The following SH3RF1 variants were observed in gnomAD, a reference collection of about 807,000 sequenced individuals.
SH3RF1 encodes E3 ubiquitin-protein ligase SH3RF1.
Under a neutral mutation model 74.0 loss-of-function variants are expected in SH3RF1, and 32 were observed. That is an observed-to-expected ratio of 0.43 (90% CI 0.33 to 0.58). The LOEUF (loss-of-function observed/expected upper bound fraction) is 0.58, where lower values mean the gene tolerates loss of function less well. Among genes scored for constraint, SH3RF1 ranks in the 20% least tolerant of loss-of-function variants. The pLI is 0.05. For missense variants in SH3RF1, 954 were observed against 1,130.9 expected (o/e 0.84, Z 2.24); for synonymous variants, 396 against 439.6 (o/e 0.90, Z 1.24).
chr4:169,128,177 A>G lies in SH3RF1; in HGVS notation c.1179+1869T>C, dbSNP rs1424432403. 2.0e-5 allele frequency among the ~76,000 whole-genome samples: 3 copies of G among 152,222 alleles called. No individual in the cohort carries two copies. The East Asian group carries it at 5.8e-4, about 29-fold the overall frequency. On this transcript the variant is annotated intron_variant, in intron 6 of 11. Coordinates refer to ENST00000284637, the MANE Select transcript of SH3RF1 (RefSeq NM_020870.4). ...AAGGCACTCATCTGGAAATGAAAAT[A>G]TCAACTCATTGTGTATGTGTACTGT...
At chr4:169,199,539 C>T (rs1734874718) in intron 2 of SH3RF1, among the ~76,000 whole-genome samples, 1 of 152,022 alleles carries the variant, frequency 6.6e-6, no homozygotes, top group Admixed American at 6.6e-5. Flanking sequence ...CTTCTGTTCA[C>T]ATCCCACTGG....
At chr4:169,155,678 T>C (rs1341802606) in intron 3 of SH3RF1, 103 bp from the exon 4 acceptor site, 2 of 824,856 alleles carry the variant, frequency 2.4e-6, no homozygotes, top group African/African-American at 3.4e-5. Context: ...TTTTAAAGAG[T>C]ACATGAATAA....
At chr4:169,211,561 A>C (rs1345512025) in intron 2 of SH3RF1, among the ~76,000 whole-genome samples, 2 of 152,144 alleles carry the variant, frequency 1.3e-5, no homozygotes, top group Non-Finnish European at 2.9e-5. Flanking sequence ...ACTGAGAATA[A>C]GCAGGTTATC....
intron 2 of SH3RF1, among the ~76,000 whole-genome samples, chr4:169,163,882 C>A (rs545300709): frequency 3.9e-5 from 6 of 152,302 alleles, no homozygotes; most frequent in Non-Finnish European, 8.8e-5. Context: ...ATTTTTATGT[C>A]TGTCTAGGAT....
At chr4:169,259,334 G>A (rs749371517) in intron 2 of SH3RF1, among the ~76,000 whole-genome samples, 24 of 151,964 alleles carry the variant, frequency 1.6e-4, no homozygotes, top group South Asian at 4.2e-4. Context: ...GTTTCACAAC[G>A]CAAATAATCT....
intron 2 of SH3RF1, among the ~76,000 whole-genome samples, chr4:169,192,373 CAT>C (rs1038619497): frequency 3.7e-4 from 56 of 150,510 alleles, no homozygotes; most frequent in African/African-American, 1.3e-3. Context: ...GGCCAACAAA[CAT>C]ATGAAAAAAA....
chr4:169,234,738 G>A (rs1730799242), intron 2 of SH3RF1, among the ~76,000 whole-genome samples: 1 of 152,036 alleles, frequency 6.6e-6, no homozygotes, highest in Non-Finnish European at 1.5e-5. Context: ...TGTACTCTAA[G>A]GGATCTTTTC....
intron 4 of SH3RF1, among the ~76,000 whole-genome samples, chr4:169,154,915 A>C (rs1266099560): frequency 6.6e-6 from 1 of 152,178 alleles, no homozygotes; most frequent in East Asian, 1.9e-4. Context: ...CATACTCTCT[A>C]AAAAGACTTT....
In SH3RF1 at chr4:169,120,971, T is replaced by A. The variant is rs1458647143; in HGVS notation, c.1365A>T (p.Pro455=). 6.8e-6 allele frequency: 11 copies of A among 1,613,910 alleles called. No homozygotes were observed. Among genetic ancestry groups the A allele is most frequent in the Non-Finnish European group, 8.5e-6 (10 of 1,179,784 alleles). The change falls in exon 8 of 12, where the codon CCA becomes CCT. Residue 455 remains proline (P), a synonymous_variant. Transcript: ENST00000284637. ...TRPSVYVAIY[P]YTPRKEDELE... The stretch of plus-strand genomic sequence containing the variant: ...GTTCATCCTCTTTCCGAGGAGTGTA[T>A]GGATATATAGCAACATACCTAGAAT...
rs5863989 is a variant in SH3RF1 at position 169,244,413 on chromosome 4, A to ATT, written c.393+24405_393+24406dup. ...TGCTTTTGTAAAAGCTCTTCCCAGTATTTTTTTTTTAAGCCACTGCACAGA... is the reference window on the plus strand; with the variant it reads ...TGCTTTTGTAAAAGCTCTTCCCAGTATTTTTTTTTTTTAAGCCACTGCACAGA... On this transcript the variant is annotated intron_variant, in intron 2 of 11. Transcript: ENST00000284637. Among the ~76,000 whole-genome samples the ATT allele has an allele frequency of 8.2e-3, 1,230 of 150,014 alleles. 3 individuals are homozygous for ATT. The highest frequency in any genetic ancestry group is 0.014 in the Middle Eastern group (4 of 290).
chr4:169,221,917 A>C (rs950302996), intron 2 of SH3RF1, among the ~76,000 whole-genome samples: 1 of 152,190 alleles, frequency 6.6e-6, no homozygotes, highest in African/African-American at 2.4e-5. Flanking sequence ...GGATAGACTA[A>C]AGTAATAATA....
chr4:169,251,816 G>A (rs1408558779), intron 2 of SH3RF1, among the ~76,000 whole-genome samples: 1 of 152,176 alleles, frequency 6.6e-6, no homozygotes, highest in Non-Finnish European at 1.5e-5. Context: ...CTGATTTAGG[G>A]CTGCGCAGCC....
At chr4:169,211,081 C>A (rs1471139540) in intron 2 of SH3RF1, among the ~76,000 whole-genome samples, 1 of 152,124 alleles carries the variant, frequency 6.6e-6, no homozygotes, top group Non-Finnish European at 1.5e-5. Flanking sequence ...CAAATAAGGA[C>A]AAAAGACAAA....
At chr4:169,257,739 T>G (rs1731215120) in intron 2 of SH3RF1, among the ~76,000 whole-genome samples, 2 of 152,224 alleles carry the variant, frequency 1.3e-5, no homozygotes, top group South Asian at 4.1e-4. Context: ...CAACTTTAGA[T>G]GAAGATAATA....
Position 169,156,764 on chromosome 4 carries a change from AAAGT to A in SH3RF1, c.394-89_394-86del, listed in dbSNP as rs144931634. The A allele has an allele frequency of 1.1e-3, 1,436 of 1,288,166 alleles. 11 individuals carry two copies. The African/African-American group carries it at 0.018, about 16-fold the overall frequency. The allele number at this position is 1,288,166 out of a possible 1,614,324, so 79.8% of individuals were successfully genotyped here. A position where few individuals can be genotyped will look rare whatever the true frequency, so the allele number is the denominator to read the frequency against. ...AATACAACTGCGTTGTCATTGTTTT[AAAGT>A]CAAAGTCAAAACCACACTGTAACCC... is the stretch of plus-strand genomic sequence containing the variant. On this transcript the variant is annotated intron_variant, in intron 2 of 11. Coordinates refer to ENST00000284637, the MANE Select transcript of SH3RF1 (RefSeq NM_020870.4).
chr4:169,158,212 G>A (rs1170024095), intron 2 of SH3RF1, among the ~76,000 whole-genome samples: 2 of 152,206 alleles, frequency 1.3e-5, no homozygotes, highest in Admixed American at 6.5e-5. Flanking sequence ...CGTGTTTGGT[G>A]AGTAGGAAAA....
At chr4:169,235,164 T>C (rs1049842688) in intron 2 of SH3RF1, among the ~76,000 whole-genome samples, 1 of 152,236 alleles carries the variant, frequency 6.6e-6, no homozygotes, top group Non-Finnish European at 1.5e-5. Context: ...CCTATAATCC[T>C]ACTGTGCAAA....
intron 2 of SH3RF1, among the ~76,000 whole-genome samples, chr4:169,157,057 G>A (rs1488101072): frequency 6.6e-6 from 1 of 152,116 alleles, no homozygotes; most frequent in Admixed American, 6.6e-5. Flanking sequence ...TTATTCATCA[G>A]GATAAATGAT....
intron 5 of SH3RF1, among the ~76,000 whole-genome samples, chr4:169,131,279 T>C (rs545647729): frequency 6.6e-6 from 1 of 152,322 alleles, no homozygotes; most frequent in South Asian, 2.1e-4. Context: ...TATCTATTAG[T>C]CTATATATTG....
Sources: allele counts gnomAD v4.1 joint callset (sites outside exome capture counted in the v4.1 genomes callset), GRCh38; gene constraint gnomAD v4.1.1; transcripts MANE v1.5; gene names NCBI Gene and HGNC (gene_info 2026-07-23, HGNC 2026-07-21).